Variants in ARMC2 observed in about 807,000 individuals in gnomAD.
ARMC2 encodes armadillo repeat containing 2.
In ARMC2, 67 loss-of-function variants were observed where a neutral mutation model predicts 90.3. The ratio of observed to expected loss-of-function variants is 0.74; its 90% CI spans 0.61 to 0.91. The LOEUF is 0.91. ARMC2 is among the 40% of genes least tolerant of loss of function. The pLI, the probability that ARMC2 is intolerant of heterozygous loss-of-function variation, is 0.00. For missense variants in ARMC2, 920 were observed against 1,030.9 expected, an observed-to-expected ratio of 0.89 and a Z score of 1.47; for synonymous variants, 393 against 393.0, an observed-to-expected ratio of 1.00 and a Z score of 0.00.
At chr6:108,878,929 A>G (rs934806711) in intron 5 of ARMC2, among the ~76,000 whole-genome samples, 4 of 148,854 alleles carry the variant, frequency 2.7e-5, no homozygotes, top group Admixed American at 2.7e-4. Context: ...AGCCATCGAC[A>G]TATCTACCCA....
chr6:108,930,830 C>T (rs1050630147), intron 11 of ARMC2, among the ~76,000 whole-genome samples: 12 of 151,414 alleles, frequency 7.9e-5, no homozygotes, highest in African/African-American at 1.9e-4. Context: ...ATCCTGACCT[C>T]GTGATCCCCC....
chr6:108,953,400 C>T (rs200308900), intron 13 of ARMC2, 49 bp downstream of exon 13: 38 of 1,523,682 alleles, frequency 2.5e-5, no homozygotes, highest in African/African-American at 5.5e-5. Flanking sequence ...AACTTTCCCG[C>T]GGCCCAAAGA....
At chr6:108,853,381 T>C (rs1443240457) in intron 1 of ARMC2, among the ~76,000 whole-genome samples, 4 of 152,212 alleles carry the variant, frequency 2.6e-5, no homozygotes, top group African/African-American at 9.6e-5. Context: ...ACAAAGCAGT[T>C]TTCTGTTGTG....
chr6:109,027,198 G>A, the ARMC2 span, among the ~76,000 whole-genome samples: 1 of 151,624 alleles, frequency 6.6e-6, no homozygotes, highest in East Asian at 2.0e-4. Flanking sequence ...CTTGGCTGGG[G>A]GTGGTGGCTC....
At chr6:109,044,572 A>G in the ARMC2 span, among the ~76,000 whole-genome samples, 741 of 152,206 alleles carry the variant, frequency 4.9e-3, 4 homozygotes, top group African/African-American at 0.017. Flanking sequence ...GAATATCTAC[A>G]TCTAGATCAC....
At chr6:109,051,614 T>G in the ARMC2 span, among the ~76,000 whole-genome samples, 1 of 152,360 alleles carries the variant, frequency 6.6e-6, no homozygotes, top group Admixed American at 6.5e-5. Context: ...TGGTTTTCTT[T>G]TTTTCTGTAA....
At chr6:108,895,262 AG>A (rs1771482075) in intron 6 of ARMC2, among the ~76,000 whole-genome samples, 1 of 150,508 alleles carries the variant, frequency 6.6e-6, no homozygotes, top group African/African-American at 2.4e-5. Context: ...CAGGAGTTCA[AG>A]ACCAGCCTGG....
chr6:108,919,137 G>A (rs550169531), intron 10 of ARMC2, among the ~76,000 whole-genome samples: 63 of 68,320 alleles, frequency 9.2e-4, no homozygotes, highest in African/African-American at 2.4e-3. Flanking sequence ...ATTTAAGAGA[G>A]GCCTTCAACT....
the ARMC2 span, among the ~76,000 whole-genome samples, chr6:109,028,742 C>T: frequency 3.9e-5 from 6 of 152,078 alleles, no homozygotes; most frequent in East Asian, 7.7e-4. Flanking sequence ...ATAATTGCCC[C>T]GATCTCAGAA....
At chr6:108,932,657 T>A (rs554297348) in intron 11 of ARMC2, among the ~76,000 whole-genome samples, 5 of 150,628 alleles carry the variant, frequency 3.3e-5, no homozygotes, top group African/African-American at 1.2e-4. Flanking sequence ...GCCTCCCGAG[T>A]AGCTGGGACT....
intron 15 of ARMC2, 47 bp downstream of exon 15, chr6:108,962,174 A>C: frequency 7.0e-7 from 1 of 1,434,920 alleles, no homozygotes; most frequent in Non-Finnish European, 9.6e-7. Flanking sequence ...TTTTGCCAAT[A>C]ATCAGCTGAG....
Position 108,968,400 on chromosome 6 carries a change from A to T in ARMC2, c.2446+3260A>T, listed in dbSNP as rs143632075. ...ACTCCACTGCACCTTGTGCAGGGGG[A>T]CTGTGGCATGGATAACAGCAAATAA... On this transcript the variant is annotated intron_variant, in intron 17 of 17. Transcript: ENST00000392644. Among the ~76,000 whole-genome samples the T allele has an allele frequency of 2.2e-3, 333 of 152,192 alleles. 2 individuals carry two copies. Among genetic ancestry groups the T allele is most frequent in the African/African-American group, 7.7e-3 (320 of 41,512 alleles).
chr6:108,907,180 GGTTTT>G (rs1414729491), intron 8 of ARMC2, among the ~76,000 whole-genome samples: 11 of 151,722 alleles, frequency 7.3e-5, no homozygotes, highest in African/African-American at 1.5e-4. Flanking sequence ...TCTGATACAA[GGTTTT>G]GTTTTGTTTT....
At chr6:108,938,118 C>T (rs1196041682) in intron 12 of ARMC2, among the ~76,000 whole-genome samples, 5 of 152,168 alleles carry the variant, frequency 3.3e-5, no homozygotes, top group African/African-American at 1.2e-4. Flanking sequence ...TCCATGAATA[C>T]AATGAGTATT....
At position 108,894,534 on chromosome 6, in the gene ARMC2, A is replaced by G. The variant is rs1189203486; in HGVS notation, c.739A>G (p.Thr247Ala). Residue 247 changes from threonine (T) to alanine (A), a missense_variant, in exon 6 of 18, where the codon ACC becomes GCC. Physicochemically the swap from Thr to Ala is moderately conservative, Grantham distance 58 (BLOSUM62 0). Coordinates refer to ENST00000392644, the MANE Select transcript of ARMC2 (RefSeq NM_032131.6). ...PSSSDLSRLQ[T>A]KAVPKADLQE... ...TAGCTCAGACCTGAGCAGGCTGCAA[A>G]CCAAAGCAGGTGAGGGGTCCCCACA... 6 of 1,603,916 alleles carry G rather than the reference A, an allele frequency of 3.7e-6. No individual in the cohort carries two copies. The African/African-American group carries it at 8.1e-5, about 22-fold the overall frequency.
chr6:108,854,573 A>G, intron 2 of ARMC2, 88 bp downstream of exon 2: 1 of 1,314,064 alleles, frequency 7.6e-7, no homozygotes, highest in East Asian at 2.3e-5. Flanking sequence ...TAGCTTTTAA[A>G]AATAGACTTA....
At chr6:108,869,211 G>A (rs1318511012) in intron 4 of ARMC2, among the ~76,000 whole-genome samples, 2 of 152,144 alleles carry the variant, frequency 1.3e-5, no homozygotes, top group Non-Finnish European at 2.9e-5. Flanking sequence ...GTAGGAAAAG[G>A]AAATTAGGAT....
At chr6:108,938,683 A>G (rs1222179270) in intron 12 of ARMC2, among the ~76,000 whole-genome samples, 4 of 127,550 alleles carry the variant, frequency 3.1e-5, no homozygotes, top group Non-Finnish European at 4.7e-5. Context: ...TTGCCTTGCC[A>G]TTAGAATTTT....
At chr6:108,934,169 T>C (rs941901802) in intron 11 of ARMC2, among the ~76,000 whole-genome samples, 5 of 152,188 alleles carry the variant, frequency 3.3e-5, no homozygotes, top group Non-Finnish European at 7.3e-5. Flanking sequence ...CATCAGTACC[T>C]AGTTTATTGA....
Sources: gnomAD v4.1 joint callset for allele counts (sites outside exome capture counted in the v4.1 genomes callset) on GRCh38, gnomAD v4.1.1 for gene constraint, MANE v1.5 for transcripts, NCBI Gene and HGNC (gene_info 2026-07-23, HGNC 2026-07-21) for gene names.